CDC42SE2: variants seen among roughly 807,000 people sequenced by gnomAD.
The protein encoded by CDC42SE2 is CDC42 small effector protein 2.
CDC42SE2 carries 3 observed loss-of-function variants against 11.5 expected under a neutral mutation model. That is an observed-to-expected ratio of 0.26 (90% CI 0.12 to 0.67). The LOEUF is 0.67. Ranked by LOEUF, CDC42SE2 falls within the 30% of genes least tolerant of loss-of-function variation. CDC42SE2 has a pLI of 0.80. For missense variants in CDC42SE2, 82 were observed against 106.8 expected, an observed-to-expected ratio of 0.77 and a Z score of 1.02; for synonymous variants, 33 against 34.8, an observed-to-expected ratio of 0.95 and a Z score of 0.18.
intron 3 of CDC42SE2, among the ~76,000 whole-genome samples, chr5:131,371,303 T>C (rs898154763): frequency 4.6e-5 from 7 of 152,178 alleles, no homozygotes; most frequent in Non-Finnish European, 1.0e-4. Flanking sequence ...GCAGTTCTCA[T>C]GCAAGACAAA....
intron 1 of CDC42SE2, among the ~76,000 whole-genome samples, chr5:131,280,869 A>G (rs1757224278): frequency 6.6e-6 from 1 of 152,134 alleles, no homozygotes; most frequent in Non-Finnish European, 1.5e-5. Flanking sequence ...TACCCTTTTT[A>G]TGTGTGAGAA....
intron 4 of CDC42SE2, 64 bp from the exon 5 acceptor site, chr5:131,390,929 T>G: frequency 9.8e-7 from 1 of 1,023,218 alleles, no homozygotes; most frequent in Non-Finnish European, 1.5e-6. Flanking sequence ...AAAGAATTAC[T>G]TAGTTGCACC....
chr5:131,334,543 A>C (rs867822589), intron 2 of CDC42SE2, among the ~76,000 whole-genome samples: 21 of 152,156 alleles, frequency 1.4e-4, no homozygotes, highest in South Asian at 4.1e-4. Context: ...AGGAATGGTA[A>C]CAGTTCCTCC....
chr5:131,228,871 G>A, the CDC42SE2 span, among the ~76,000 whole-genome samples: 1 of 152,220 alleles, frequency 6.6e-6, no homozygotes, highest in Non-Finnish European at 1.5e-5. Context: ...CTGCAAGCCA[G>A]GAAGACAGCT....
intron 3 of CDC42SE2, among the ~76,000 whole-genome samples, chr5:131,365,055 C>T (rs147439588): frequency 0.011 from 1,685 of 152,122 alleles, 12 homozygotes; most frequent in Middle Eastern, 0.017. Flanking sequence ...TTTGGGAGGC[C>T]GAGGCGGGCT....
intron 2 of CDC42SE2, among the ~76,000 whole-genome samples, chr5:131,329,894 AAAAAAAAAAAAAAAAAAAAAAAAAAAAAG>A (rs1359843818): frequency 1.5e-4 from 7 of 45,632 alleles, no homozygotes; most frequent in Non-Finnish European, 6.2e-5. Flanking sequence ...AAAAAAAAAA[AAAAAAAAAAAAAAAAAAAAAAAAAAAAAG>A]AAGAAGCGCT....
chr5:131,292,906 C>CAAAAAAAAAAAAAAAAAAAAAAAAA (rs869300653), intron 1 of CDC42SE2, among the ~76,000 whole-genome samples: 1 of 58,914 alleles, frequency 1.7e-5, no homozygotes, highest in African/African-American at 1.0e-4. Context: ...GACCCTGTCT[C>CAAAAAAAAAAAAAAAAAAAAAAAAA]AAAAAAAAAA....
At chr5:131,273,869 C>T (rs924863693) in intron 1 of CDC42SE2, among the ~76,000 whole-genome samples, 1 of 151,996 alleles carries the variant, frequency 6.6e-6, no homozygotes, top group African/African-American at 2.4e-5. Flanking sequence ...CCTTGACCTC[C>T]CGGGCTCAGG....
At chr5:131,342,301 T>A (rs1580766673) in intron 2 of CDC42SE2, among the ~76,000 whole-genome samples, 3 of 141,260 alleles carry the variant, frequency 2.1e-5, no homozygotes, top group African/African-American at 2.7e-5. Flanking sequence ...AAAAGGTAAA[T>A]ACCAGAAGAA....
In CDC42SE2 at chr5:131,379,586, A is replaced by G. The variant is rs531063630; in HGVS notation, c.55-5957A>G. On this transcript the variant is annotated intron_variant, in intron 3 of 4. Coordinates refer to ENST00000505065, the MANE Select transcript of CDC42SE2 (RefSeq NM_001375635.1). The stretch of plus-strand genomic sequence containing the variant: ...TCCTTGGATATACTCCAAATTGTTT[A>G]GTTCATTATCTTTAATAATTATGAT... 1.1e-4 allele frequency among the ~76,000 whole-genome samples: 16 copies of G among 152,308 alleles called. No homozygotes were observed. The South Asian group carries it at 3.3e-3, about 32-fold the overall frequency.
At chr5:131,308,386 C>T (rs946742472) in intron 1 of CDC42SE2, among the ~76,000 whole-genome samples, 2 of 151,874 alleles carry the variant, frequency 1.3e-5, no homozygotes, top group Non-Finnish European at 2.9e-5. Context: ...TGTGATGCCT[C>T]CAGCTTTGTT....
chr5:131,347,714 C>G (rs976887382), intron 2 of CDC42SE2, among the ~76,000 whole-genome samples: 2 of 152,114 alleles, frequency 1.3e-5, no homozygotes, highest in African/African-American at 4.8e-5. Flanking sequence ...AATTTTAGAC[C>G]AATATCCCTG....
At chr5:131,231,794 T>G in the CDC42SE2 span, among the ~76,000 whole-genome samples, 3 of 152,140 alleles carry the variant, frequency 2.0e-5, no homozygotes, top group Admixed American at 6.5e-5. Flanking sequence ...TTCTTTTTTC[T>G]TTTTTCTTTT....
At chr5:131,355,925 T>C (rs1196712440) in intron 2 of CDC42SE2, among the ~76,000 whole-genome samples, 4 of 152,230 alleles carry the variant, frequency 2.6e-5, no homozygotes, top group African/African-American at 9.6e-5. Flanking sequence ...GGGGAACTGA[T>C]AGTGGATAAT....
rs1263272077 is a variant in CDC42SE2, at chr5:131,392,511, CT to C, written c.*1424del. 2.0e-5 allele frequency: 3 copies of C among 152,096 alleles called. No individual in the cohort carries two copies. Among genetic ancestry groups the C allele is most frequent in the East Asian group, 1.9e-4 (1 of 5,320 alleles). 9.4% of individuals were successfully genotyped at this position (152,096 alleles called of 1,614,324 possible). On this transcript the variant is annotated 3_prime_UTR_variant, in exon 5 of 5. Coordinates refer to ENST00000505065, the MANE Select transcript of CDC42SE2 (RefSeq NM_001375635.1). ...TTGTAGCTTATTTTAGAAGTATGAC[CT>C]TTTGGTCTGTTTGATTGATTGATTA... is the stretch of plus-strand genomic sequence containing the variant.
chr5:131,291,543 A>G (rs1757457815), intron 1 of CDC42SE2, among the ~76,000 whole-genome samples: 1 of 152,168 alleles, frequency 6.6e-6, no homozygotes, highest in Non-Finnish European at 1.5e-5. Context: ...AAGACTAAAT[A>G]TAATATTATA....
intron 3 of CDC42SE2, among the ~76,000 whole-genome samples, chr5:131,369,347 G>A (rs560563104): frequency 6.6e-6 from 1 of 152,144 alleles, no homozygotes; most frequent in Admixed American, 6.5e-5. Flanking sequence ...GATAAACCTA[G>A]TACGCGACTA....
intron 2 of CDC42SE2, among the ~76,000 whole-genome samples, chr5:131,335,596 G>A (rs575209376): frequency 2.0e-5 from 3 of 152,294 alleles, no homozygotes; most frequent in African/African-American, 4.8e-5. Flanking sequence ...TATCGTGTGG[G>A]AATCTAAGTC....
intron 2 of CDC42SE2, among the ~76,000 whole-genome samples, chr5:131,318,155 T>G (rs1758089738): frequency 6.6e-6 from 1 of 151,934 alleles, no homozygotes; most frequent in Non-Finnish European, 1.5e-5. Context: ...TCCAGGCTGG[T>G]CTTGAACTCC....
Sources: allele counts gnomAD v4.1 joint callset (sites outside exome capture counted in the v4.1 genomes callset), GRCh38; gene constraint gnomAD v4.1.1; transcripts MANE v1.5; gene names NCBI Gene and HGNC (gene_info 2026-07-23, HGNC 2026-07-21).